TMC2: variants seen among roughly 807,000 people sequenced by gnomAD.
TMC2 encodes the protein transmembrane channel-like protein 2.
In TMC2, 102 loss-of-function variants were observed where a neutral mutation model predicts 105.9. That is an observed-to-expected ratio of 0.96 (90% confidence interval 0.82 to 1.14). TMC2 has a LOEUF of 1.14. TMC2 is among the 50% of genes most tolerant of loss of function. The pLI, the probability that TMC2 is intolerant of heterozygous loss-of-function variation, is 0.00. For synonymous variants in TMC2, 402 were observed against 422.8 expected (o/e 0.95, Z 0.60); for missense variants, 1,093 against 1,134.3 (o/e 0.96, Z 0.52).
chr20:2,586,389 G>C (rs1206880803), intron 7 of TMC2, among the ~76,000 whole-genome samples: 1 of 152,220 alleles, frequency 6.6e-6, no homozygotes, highest in Admixed American at 6.5e-5. Flanking sequence ...GTCTACAACT[G>C]TAGTAGCCTG....
chr20:2,606,884 C>CTTTCTTTTTT (rs2086396500), intron 11 of TMC2, among the ~76,000 whole-genome samples: 1 of 88,258 alleles, frequency 1.1e-5, no homozygotes, highest in African/African-American at 6.0e-5. Flanking sequence ...CCCTTAATTT[C>CTTTCTTTTTT]TTTTTTCTTT....
chr20:2,557,275 C>G (rs1290802322), intron 2 of TMC2, among the ~76,000 whole-genome samples: 1 of 152,122 alleles, frequency 6.6e-6, no homozygotes, highest in Non-Finnish European at 1.5e-5. Context: ...TCTGAAATTT[C>G]TTTTCTTTTT....
intron 8 of TMC2, 103 bp from the exon 9 acceptor site, chr20:2,594,722 C>A: frequency 1.6e-6 from 2 of 1,260,444 alleles, no homozygotes; most frequent in Non-Finnish European, 2.2e-6. Flanking sequence ...CCCTTAGATT[C>A]GGTTAAGACT....
chr20:2,578,445 T>G (rs1019855187), intron 5 of TMC2, among the ~76,000 whole-genome samples: 1 of 152,254 alleles, frequency 6.6e-6, no homozygotes, highest in African/African-American at 2.4e-5. Flanking sequence ...AATGGATTTG[T>G]TTCCACAATG....
chr20:2,593,214 C>T (rs1204761444), intron 8 of TMC2, among the ~76,000 whole-genome samples: 1 of 152,082 alleles, frequency 6.6e-6, no homozygotes, highest in Non-Finnish European at 1.5e-5. Context: ...CAGATCTCAC[C>T]AGAACTCCCT....
chr20:2,537,331 T>C lies in TMC2; in HGVS notation c.82+15T>C. 1.9e-6 allele frequency: 3 copies of C among 1,589,966 alleles called. No homozygotes were observed. The highest frequency in any genetic ancestry group is 1.8e-5 in the Admixed American group (1 of 56,274). On this transcript the variant is annotated intron_variant, in intron 2 of 19. Coordinates refer to ENST00000358864, the MANE Select transcript of TMC2 (RefSeq NM_080751.3). The stretch of plus-strand genomic sequence containing the variant: ...TCCACACACAGGTGAGATGGGGTGG[T>C]GGGGTCTCTGGGGAGCCTGCAGTGC...
chr20:2,594,485 C>T (rs1012538507), intron 8 of TMC2, among the ~76,000 whole-genome samples: 1 of 152,160 alleles, frequency 6.6e-6, no homozygotes, highest in East Asian at 1.9e-4. Context: ...ACTTCAGCCT[C>T]CCAAAGTGCT....
At chr20:2,623,205 G>A (rs1288736612) in intron 16 of TMC2, among the ~76,000 whole-genome samples, 1 of 151,918 alleles carries the variant, frequency 6.6e-6, no homozygotes, top group Non-Finnish European at 1.5e-5. Flanking sequence ...CAGCTTTCGT[G>A]GGGAGAACCA....
chr20:2,558,674 C>T lies in TMC2; in HGVS notation c.301C>T (p.Arg101Cys), dbSNP rs1299776073. 1 of 1,595,782 alleles carries T rather than the reference C, an allele frequency of 6.3e-7. No individual in the cohort carries two copies. The highest frequency in any genetic ancestry group is 8.5e-7 in the Non-Finnish European group (1 of 1,171,192). ...GAGGACCTGCGAGGGCAGGAGAAAG[C>T]GCGACGAGAGGGCCTCCTTCCAGGA... The part of the protein sequence containing the change: ...AERTCEGRRK[R>C]DERASFQERT... Residue 101 changes from arginine to cysteine, a missense_variant, in exon 3 of 20, where the codon CGC becomes TGC. By Grantham distance (180) the Arg-to-Cys change is radical. Transcript: ENST00000358864. This position sits in a 1 kb window ranked among gnomAD's most constrained non-coding sequence, Gnocchi z 4.6.
At chr20:2,556,053 T>G (rs907809045) in intron 2 of TMC2, among the ~76,000 whole-genome samples, 9 of 152,206 alleles carry the variant, frequency 5.9e-5, no homozygotes, top group Non-Finnish European at 1.3e-4. Context: ...TTTAGGTCAG[T>G]TAGGAATTTA....
chr20:2,561,943 A>T lies in TMC2; in HGVS notation c.487A>T (p.Lys163Ter). The T allele has an allele frequency of 6.2e-7, 1 of 1,614,194 alleles. No individual in the cohort carries two copies. The highest frequency in any genetic ancestry group is 8.5e-7 in the Non-Finnish European group (1 of 1,180,010). ...LAQILEQVEE[K>*]KKLIATMRSK... ...CCAGATCCTGGAGCAGGTGGAAGAA[A>T]AAAAGAAGCTCATTGCCACCATGCG... Residue 163 changes from lysine (K) to a stop codon, truncating the protein, a stop_gained, in exon 4 of 20, where the codon AAA becomes TAA. Coordinates refer to ENST00000358864, the MANE Select transcript of TMC2 (RefSeq NM_080751.3). LOFTEE classifies it high-confidence loss of function.
At chr20:2,629,818 T>C (rs2086590739) in intron 17 of TMC2, among the ~76,000 whole-genome samples, 1 of 152,238 alleles carries the variant, frequency 6.6e-6, no homozygotes, top group Non-Finnish European at 1.5e-5. Context: ...GTCCACAAGC[T>C]AAATCCGGAC....
chr20:2,621,660 T>C (rs2086526108), intron 16 of TMC2, among the ~76,000 whole-genome samples: 1 of 152,104 alleles, frequency 6.6e-6, no homozygotes, highest in South Asian at 2.1e-4. Context: ...CGAGCAAGAC[T>C]CTGTCTCAAA....
chr20:2,596,717 ATG>A lies in TMC2; in HGVS notation c.1077-408_1077-407del, dbSNP rs35925886. ...CATTTTATATCAGAAAAAAATATATATGTGTGTGTGTGTGTGTGTGTGTGTGT... is the reference window on the plus strand; with the variant it reads ...CATTTTATATCAGAAAAAAATATATATGTGTGTGTGTGTGTGTGTGTGTGT... On this transcript the variant is annotated intron_variant, in intron 9 of 19. Transcript: ENST00000358864. Among the ~76,000 whole-genome samples, 852 of 146,130 alleles carry A rather than the reference ATG, an allele frequency of 5.8e-3. 12 individuals are homozygous for A. Among genetic ancestry groups the A allele is most frequent in the African/African-American group, 0.017 (658 of 39,772 alleles).
At chr20:2,602,040 T>C (rs2086355157) in intron 10 of TMC2, 73 bp from the exon 11 acceptor site, 2 of 1,061,796 alleles carry the variant, frequency 1.9e-6, no homozygotes, top group Non-Finnish European at 2.8e-6. Context: ...AGTACTATTT[T>C]CAGGGACCCA....
intron 7 of TMC2, among the ~76,000 whole-genome samples, chr20:2,591,652 G>T (rs1189901143): frequency 6.6e-6 from 1 of 152,010 alleles, no homozygotes; most frequent in Non-Finnish European, 1.5e-5. Context: ...TTATTGCAAT[G>T]AGCCGAGATG....
In TMC2 at chr20:2,641,250, T is replaced by G. The variant is rs763026691; in HGVS notation, c.2620T>G (p.Ser874Ala). The G allele has an allele frequency of 1.2e-6, 2 of 1,614,108 alleles. No homozygotes were observed. The highest frequency in any genetic ancestry group is 1.7e-6 in the Non-Finnish European group (2 of 1,180,014). The part of the protein sequence containing the change: ...TLPASGHLPI[S>A]RPPGIGPDSG... ...GCCTGCCTCTGGACACCTTCCTATA[T>G]CTCGGCCCCCTGGAATCGGACCAGA... Residue 874 changes from serine (S) to alanine (A), a missense_variant, in exon 20 of 20, where the codon TCT (serine) becomes GCT (alanine). Transcript: ENST00000358864.
At chr20:2,543,641 C>T (rs917653404) in intron 2 of TMC2, among the ~76,000 whole-genome samples, 2 of 152,162 alleles carry the variant, frequency 1.3e-5, no homozygotes, top group African/African-American at 4.8e-5. Flanking sequence ...GCTCATGAAG[C>T]AGAGGCGTAG....
At chr20:2,567,284 C>A (rs528062454) in intron 4 of TMC2, among the ~76,000 whole-genome samples, 1 of 152,260 alleles carries the variant, frequency 6.6e-6, no homozygotes, top group Non-Finnish European at 1.5e-5. Context: ...TCAAAGGAGG[C>A]CAAATGAAGA....
Sources: allele counts gnomAD v4.1 joint callset (sites outside exome capture counted in the v4.1 genomes callset), GRCh38; gene constraint gnomAD v4.1.1; non-coding constraint Gnocchi (gnomAD v3.1); transcripts MANE v1.5; gene names NCBI Gene and HGNC (gene_info 2026-07-23, HGNC 2026-07-21).